The following ARID1B variants were observed in gnomAD, a reference collection of about 807,000 sequenced individuals.
The protein encoded by ARID1B is AT-rich interactive domain-containing protein 1B.
Under a neutral mutation model 212.3 loss-of-function variants are expected in ARID1B, and 30 were observed. That is an observed-to-expected ratio of 0.14 (90% CI 0.11 to 0.19). ARID1B has a LOEUF of 0.19. ARID1B is among the 10% of genes least tolerant of loss of function. The pLI is 1.00. For missense variants in ARID1B, 2,891 were observed against 3,204.0 expected (o/e 0.90, Z 2.36); for synonymous variants, 1,402 against 1,301.7 (o/e 1.08, Z -1.66).
At chr6:156,964,597 T>G (rs923881071) in intron 4 of ARID1B, among the ~76,000 whole-genome samples, 10 of 152,232 alleles carry the variant, frequency 6.6e-5, no homozygotes, top group Non-Finnish European at 1.5e-4. Context: ...TAGAATGTTA[T>G]GTATGTGTAT....
In ARID1B at chr6:156,871,627, C is replaced by G. The variant is rs750753615; in HGVS notation, c.1987-29749C>G. 4 of 1,612,566 alleles carry G rather than the reference C, an allele frequency of 2.5e-6. No homozygotes were observed. In the South Asian group the frequency reaches 4.4e-5, roughly 18 times the overall value. The stretch of plus-strand genomic sequence containing the variant: ...TCCTACTTTTAGGACTCTGGAGATG[C>G]CACATGGAAAGAAACATTCTGGTTG... On this transcript the variant is annotated intron_variant, in intron 2 of 19. Transcript: ENST00000636930.
chr6:157,054,578 C>G (rs1782817995), intron 4 of ARID1B, among the ~76,000 whole-genome samples: 1 of 152,104 alleles, frequency 6.6e-6, no homozygotes, highest in South Asian at 2.1e-4. Flanking sequence ...ACCACCTAGA[C>G]CTCACATCTC....
intron 2 of ARID1B, among the ~76,000 whole-genome samples, chr6:156,860,816 C>CT (rs1020307138): frequency 6.6e-6 from 1 of 152,022 alleles, no homozygotes; most frequent in Non-Finnish European, 1.5e-5. Context: ...AACAGAAATT[C>CT]TTTTTTTTCC....
intron 8 of ARID1B, among the ~76,000 whole-genome samples, chr6:157,154,582 T>TC (rs1331201729): frequency 7.9e-6 from 1 of 126,084 alleles, no homozygotes; most frequent in Admixed American, 7.6e-5. Flanking sequence ...TTTTTTTTGT[T>TC]TTTTTTTTTT....
At chr6:157,174,321 A>G in intron 10 of ARID1B, 2 of 509,262 alleles carry the variant, frequency 3.9e-6, no homozygotes, top group Non-Finnish European at 7.0e-6. Context: ...TTCTTATGGC[A>G]TTAACTCACG....
rs765178250 is a variant in ARID1B at position 156,778,160 on chromosome 6, C to T, written c.480C>T (p.Ala160=). ...TGAAAACCGTTGGCGAAGCCCCCGCCGCGCCGCCCCACCAGCAGCACCACC... is the reference window on the plus strand; with the variant it reads ...TGAAAACCGTTGGCGAAGCCCCCGCTGCGCCGCCCCACCAGCAGCACCACC... ...HKLKTVGEAP[A]APPHQQHHHH... is the part of the protein sequence containing the mutation. Residue 160 remains alanine (A), a synonymous_variant, in exon 1 of 20, where the codon GCC becomes GCT. Coordinates refer to ENST00000636930, the MANE Select transcript of ARID1B (RefSeq NM_001374828.1). The T allele has an allele frequency of 3.9e-6, 6 of 1,542,236 alleles. 1 individual carries two copies. The South Asian group carries it at 6.0e-5, about 15-fold the overall frequency.
intron 1 of ARID1B, among the ~76,000 whole-genome samples, chr6:156,820,820 G>C (rs1782301343): frequency 6.6e-6 from 1 of 152,330 alleles, no homozygotes; most frequent in African/African-American, 2.4e-5. Flanking sequence ...GTCACCTAAA[G>C]GCAAATATGG....
chr6:156,877,740 C>T (rs903843566), intron 2 of ARID1B, among the ~76,000 whole-genome samples: 16 of 151,102 alleles, frequency 1.1e-4, no homozygotes, highest in Middle Eastern at 3.2e-3. Flanking sequence ...GACAGAGTCT[C>T]GCTCTGTCAC....
At chr6:156,969,351 A>G (rs1776760528) in intron 4 of ARID1B, among the ~76,000 whole-genome samples, 1 of 152,096 alleles carries the variant, frequency 6.6e-6, no homozygotes. Context: ...CAGCCCCAGG[A>G]TCGGTGGTGG....
chr6:156,950,402 T>C (rs1450504586), intron 4 of ARID1B, among the ~76,000 whole-genome samples: 1 of 152,242 alleles, frequency 6.6e-6, no homozygotes, highest in Non-Finnish European at 1.5e-5. Flanking sequence ...CTAAATGCAC[T>C]TTTAAGTCAA....
At chr6:156,947,146 G>T (rs531218129) in intron 4 of ARID1B, among the ~76,000 whole-genome samples, 9 of 152,288 alleles carry the variant, frequency 5.9e-5, no homozygotes, top group South Asian at 4.1e-4. Context: ...TTGAAACTCT[G>T]TAGTTCAGTT....
intron 1 of ARID1B, among the ~76,000 whole-genome samples, chr6:156,812,985 T>TACATACGTATATATATACATATATATAC (rs1781678860): frequency 9.4e-6 from 1 of 106,390 alleles, no homozygotes; most frequent in Non-Finnish European, 2.0e-5. Flanking sequence ...TGTATGTATA[T>TACATACGTATATATATACATATATATAC]ACATACGTAT....
chr6:157,144,760 C>T (rs1469881066), intron 7 of ARID1B, among the ~76,000 whole-genome samples: 2 of 152,066 alleles, frequency 1.3e-5, no homozygotes, highest in Admixed American at 6.5e-5. Flanking sequence ...GCCGAGACTG[C>T]GTGATGGGAA....
chr6:156,780,301 C>T (rs979746447), intron 1 of ARID1B: 1 of 152,108 alleles, frequency 6.6e-6, no homozygotes, highest in Admixed American at 6.5e-5. Flanking sequence ...TTCAGCAAAT[C>T]CAGTAAGATA....
intron 3 of ARID1B, among the ~76,000 whole-genome samples, chr6:156,905,790 C>T (rs188284742): frequency 6.6e-6 from 1 of 152,014 alleles, no homozygotes; most frequent in African/African-American, 2.4e-5. Flanking sequence ...TTTTGCTATT[C>T]GTATGTGCTT....
chr6:156,972,717 C>T (rs1777009060), intron 4 of ARID1B, among the ~76,000 whole-genome samples: 2 of 152,110 alleles, frequency 1.3e-5, no homozygotes, highest in Admixed American at 1.3e-4. Flanking sequence ...CAGTCTTTTC[C>T]AGCCAGAGAG....
chr6:157,160,648 A>G (rs565436020), intron 8 of ARID1B, among the ~76,000 whole-genome samples: 113 of 152,314 alleles, frequency 7.4e-4, no homozygotes, highest in Middle Eastern at 3.4e-3. Flanking sequence ...AAAAACCCCA[A>G]GTGTCTTCCT....
At chr6:156,833,302 C>T (rs1156696848) in intron 2 of ARID1B, among the ~76,000 whole-genome samples, 4 of 151,898 alleles carry the variant, frequency 2.6e-5, no homozygotes, top group Non-Finnish European at 4.4e-5. Flanking sequence ...TCTTATCCTT[C>T]GTGATCATAA....
intron 11 of ARID1B, among the ~76,000 whole-genome samples, chr6:157,179,997 A>C (rs1562327612): frequency 1.3e-5 from 2 of 152,242 alleles, no homozygotes; most frequent in African/African-American, 4.8e-5. Context: ...GTATGCATAA[A>C]TAAAGTAAAT....
Sources: gnomAD v4.1 joint callset for allele counts (sites outside exome capture counted in the v4.1 genomes callset) on GRCh38, gnomAD v4.1.1 for gene constraint, MANE v1.5 for transcripts, NCBI Gene and HGNC (gene_info 2026-07-23, HGNC 2026-07-21) for gene names.